TNN: variants seen among roughly 807,000 people sequenced by gnomAD.
TNN encodes the protein tenascin N.
A neutral mutation model predicts 134.4 loss-of-function variants in TNN; 122 were observed. The observed-to-expected ratio is 0.91, with a 90% CI of 0.78 to 1.06. TNN has a LOEUF of 1.06. TNN is among the 50% of genes least tolerant of loss of function. The probability of loss-of-function intolerance (pLI) is 0.00; values close to 1 mark genes in which losing one functional copy is unlikely to be tolerated. For synonymous variants in TNN, 710 were observed against 670.3 expected (o/e 1.06, Z -0.91); for missense variants, 1,739 against 1,699.4 (o/e 1.02, Z -0.41).
intron 5 of TNN, 151 bp from the exon 6 acceptor site, chr1:175,085,254 G>A: frequency 1.6e-6 from 1 of 610,090 alleles, no homozygotes; most frequent in Non-Finnish European, 3.0e-6. Flanking sequence ...GCACCTGCGG[G>A]GCTTTATTTG....
At position 175,109,072 on chromosome 1, in the gene TNN, A is replaced by ATTTTTT. The variant is rs1160268455; in HGVS notation, c.2120-7845_2120-7840dup. Reference sequence around the variant, plus strand: ...GAATGTATTTCTTCTATCTAACTGTATTTTTTTTTTTTTTTTTTTTTTTTT... The same window carrying ATTTTTT: ...GAATGTATTTCTTCTATCTAACTGTATTTTTTTTTTTTTTTTTTTTTTTTTTTTTTT... On this transcript the variant is annotated intron_variant, in intron 9 of 18. Transcript: ENST00000239462. 1.5e-3 allele frequency among the ~76,000 whole-genome samples: 90 copies of ATTTTTT among 61,970 alleles called. 17 individuals carry two copies. The highest frequency in any genetic ancestry group is 6.8e-3 in the Admixed American group (39 of 5,706). 40.7% of individuals were successfully genotyped at this position (61,970 alleles called of 152,430 possible). A position where few individuals can be genotyped will look rare whatever the true frequency, so the allele number is the denominator to read the frequency against.
rs1218152600 is a variant in TNN at position 175,137,374 on chromosome 1, G to GTGTGTGTGTT, written c.3595+395_3595+396insTTGTGTGTGT. ...TTTGTCTGCACAGTAGTGTGTGTGTGTGTGTGTGTGTGTGTGTGATTATTT... is the reference window on the plus strand; with the variant it reads ...TTTGTCTGCACAGTAGTGTGTGTGTGTGTGTGTGTTTGTGTGTGTGTGTGTGTGATTATTT... On this transcript the variant is annotated intron_variant, in intron 17 of 18. Coordinates refer to ENST00000239462, the MANE Select transcript of TNN (RefSeq NM_022093.2). Among the ~76,000 whole-genome samples, 31 of 65,298 alleles carry GTGTGTGTGTT rather than the reference G, an allele frequency of 4.7e-4. 1 individual carries two copies. The highest frequency in any genetic ancestry group is 1.7e-3 in the African/African-American group (30 of 17,726). 42.8% of individuals were successfully genotyped at this position (65,298 alleles called of 152,430 possible). A position where few individuals can be genotyped will look rare whatever the true frequency, so the allele number is the denominator to read the frequency against.
intron 9 of TNN, among the ~76,000 whole-genome samples, chr1:175,110,281 A>G (rs936451991): frequency 2.0e-5 from 3 of 152,226 alleles, no homozygotes; most frequent in African/African-American, 7.2e-5. Flanking sequence ...ACTTTATCAC[A>G]TAGACAGCTT....
Position 175,098,387 on chromosome 1 carries a change from G to A in TNN, c.1911G>A (p.Thr637=), listed in dbSNP as rs780062151. Reference sequence around the variant, plus strand: ...ACCGGGTGACAGAGAATATGGCCACGGTCTCCTGGGACCCGGTGCAGGCCG... The same window carrying A: ...ACCGGGTGACAGAGAATATGGCCACAGTCTCCTGGGACCCGGTGCAGGCCG... ...VTDRVTENMA[T]VSWDPVQAAI... The change falls in exon 9 of 19, where the codon ACG becomes ACA. Residue 637 remains threonine, a synonymous_variant. Coordinates refer to ENST00000239462, the MANE Select transcript of TNN (RefSeq NM_022093.2). The A allele has an allele frequency of 2.0e-5, 33 of 1,614,142 alleles. No individual in the cohort carries two copies. The highest frequency in any genetic ancestry group is 1.3e-4 in the East Asian group (6 of 44,888).
At chr1:175,110,305 C>G (rs926043532) in intron 9 of TNN, among the ~76,000 whole-genome samples, 3 of 152,180 alleles carry the variant, frequency 2.0e-5, no homozygotes, top group Non-Finnish European at 4.4e-5. Flanking sequence ...AATAGTTTCT[C>G]CCATTATGTA....
chr1:175,088,773 G>T (rs1674375718), intron 6 of TNN, among the ~76,000 whole-genome samples: 1 of 152,138 alleles, frequency 6.6e-6, no homozygotes, highest in African/African-American at 2.4e-5. Flanking sequence ...AAGAGACCTG[G>T]TCCCTTTAGA....
At chr1:175,083,505 C>A (rs1366785144) in intron 4 of TNN, among the ~76,000 whole-genome samples, 1 of 152,162 alleles carries the variant, frequency 6.6e-6, no homozygotes. Flanking sequence ...ACCACATGGC[C>A]TCTGATGGGA....
chr1:175,125,738 TTTCTTTC>T (rs2101842245), intron 12 of TNN, among the ~76,000 whole-genome samples: 1 of 145,472 alleles, frequency 6.9e-6, no homozygotes, highest in African/African-American at 2.7e-5. Context: ...TCTTTCTTTC[TTTCTTTC>T]TTTCTTTCTT....
Position 175,077,733 on chromosome 1 carries a change from C to T in TNN, c.315C>T (p.Val105=), listed in dbSNP as rs1056285745. ...PQKDCELAGS[V]QDLLARVKKL... ...AGGACTGCGAGTTGGCAGGCAGTGT[C>T]CAGGACCTCCTGGCCCGGGTGAAGA... Residue 105 remains valine, a synonymous_variant, in exon 2 of 19, where the codon GTC becomes GTT. Transcript: ENST00000239462. 1.1e-5 allele frequency: 18 copies of T among 1,614,104 alleles called. No homozygotes were observed. The highest frequency in any genetic ancestry group is 1.5e-5 in the Non-Finnish European group (18 of 1,180,046).
At chr1:175,097,775 C>G (rs984726930) in intron 8 of TNN, 92 bp downstream of exon 8, 63 of 1,519,160 alleles carry the variant, frequency 4.1e-5, no homozygotes, top group Non-Finnish European at 5.4e-5. Context: ...AGCAGAAAGA[C>G]TTTGCAATTA....
At chr1:175,123,327 TG>T in intron 11 of TNN, 72 bp from the exon 12 acceptor site, 1 of 1,512,436 alleles carries the variant, frequency 6.6e-7, no homozygotes, top group Non-Finnish European at 9.0e-7. Flanking sequence ...GGAGAGCTCC[TG>T]GTGATGAGGT....
At chr1:175,091,253 G>A (rs540953771) in intron 6 of TNN, among the ~76,000 whole-genome samples, 1 of 152,352 alleles carries the variant, frequency 6.6e-6, no homozygotes, top group East Asian at 1.9e-4. Flanking sequence ...TGTGGTTAGA[G>A]AACTGAGAGA....
rs772855592 is a variant in TNN, at chr1:175,079,687, C to T, written c.764C>T (p.Thr255Ile). Residue 255 changes from threonine to isoleucine, a missense_variant, in exon 3 of 19, where the codon ACA becomes ATA. By Grantham distance (89) the Thr-to-Ile change is moderately conservative. Transcript: ENST00000239462. ...GAGTGCTACTGCGAGGAGGGCTTCA[C>T]AGGCCTGGACTGTGCCCAGGGTGAG... ...TGECYCEEGFTGLDCAQVVTP... is the reference protein window; with the variant it reads ...TGECYCEEGFIGLDCAQVVTP... The T allele has an allele frequency of 1.9e-6, 3 of 1,599,256 alleles. No individual in the cohort carries two copies. The highest frequency in any genetic ancestry group is 2.7e-5 in the African/African-American group (2 of 74,814).
At chr1:175,081,830 G>A (rs1165561542) in intron 4 of TNN, among the ~76,000 whole-genome samples, 2 of 152,186 alleles carry the variant, frequency 1.3e-5, no homozygotes, top group Non-Finnish European at 2.9e-5. Flanking sequence ...GAAGGTGTAA[G>A]GAAGCAGGGA....
In TNN at chr1:175,084,552, C is replaced by T. The variant is rs370673029; in HGVS notation, c.1234+617C>T. Reference sequence around the variant, plus strand: ...GCTCTTTTTTAAGAAAAGTAATACGCAATCATGAATACCCAATCAGGTACA... The same window carrying T: ...GCTCTTTTTTAAGAAAAGTAATACGTAATCATGAATACCCAATCAGGTACA... On this transcript the variant is annotated intron_variant, in intron 5 of 18. Coordinates refer to ENST00000239462, the MANE Select transcript of TNN (RefSeq NM_022093.2). Among the ~76,000 whole-genome samples the T allele has an allele frequency of 5.9e-5, 9 of 152,270 alleles. No individual in the cohort carries two copies. In the East Asian group the frequency reaches 1.2e-3, roughly 20 times the overall value.
chr1:175,144,257 G>T, intron 17 of TNN, 130 bp from the exon 18 acceptor site: 1 of 817,788 alleles, frequency 1.2e-6, no homozygotes, highest in Non-Finnish European at 2.0e-6. Flanking sequence ...AGAGAGCGGT[G>T]ACTACCTGTG....
At chr1:175,118,909 G>A (rs899332300) in intron 11 of TNN, 85 bp downstream of exon 11, 14 of 1,556,454 alleles carry the variant, frequency 9.0e-6, no homozygotes, top group South Asian at 5.8e-5. Context: ...GCTGCTTTTG[G>A]CATCTGTAAC....
At chr1:175,117,608 T>C (rs1009357958) in intron 10 of TNN, among the ~76,000 whole-genome samples, 8 of 152,244 alleles carry the variant, frequency 5.3e-5, no homozygotes, top group African/African-American at 1.9e-4. Flanking sequence ...AGGAGATGTA[T>C]ATCATTTGCT....
At position 175,083,903 on chromosome 1, in the gene TNN, G is replaced by A. The variant is rs779781064; in HGVS notation, c.1202G>A (p.Ser401Asn). The change falls in exon 5 of 19, where the codon AGC becomes AAC. Residue 401 changes from serine (S) to asparagine (N), a missense_variant. Physicochemically the swap from Ser to Asn is conservative, Grantham distance 46 (BLOSUM62 1). Coordinates refer to ENST00000239462, the MANE Select transcript of TNN (RefSeq NM_022093.2). ...GTAGCTGAGGTCACTGTGCCCAAGA[G>A]CAGTGACCCCAAGAGCCGATATGAC... The part of the protein sequence containing the change: ...QEVAEVTVPK[S>N]SDPKSRYDIT... The A allele has an allele frequency of 1.4e-5, 22 of 1,613,992 alleles. No individual in the cohort carries two copies. In the South Asian group the frequency reaches 1.6e-4, roughly 12 times the overall value.
Sources: gnomAD v4.1 joint callset for allele counts (sites outside exome capture counted in the v4.1 genomes callset) on GRCh38, gnomAD v4.1.1 for gene constraint, MANE v1.5 for transcripts, NCBI Gene and HGNC (gene_info 2026-07-23, HGNC 2026-07-21) for gene names.